The following TCF20 variants were observed in gnomAD, a reference collection of about 807,000 sequenced individuals.
TCF20 encodes the protein transcription factor 20.
In TCF20, 3 loss-of-function variants were observed where a neutral mutation model predicts 148.6. The ratio of observed to expected loss-of-function variants is 0.02; its 90% CI spans 0.01 to 0.05. TCF20 has a LOEUF of 0.05. Among genes scored for constraint, TCF20 ranks in the 10% least tolerant of loss-of-function variants. TCF20 has a pLI of 1.00. For missense variants in TCF20, 2,350 were observed against 2,429.3 expected (o/e 0.97, Z 0.69); for synonymous variants, 1,049 against 909.5 (o/e 1.15, Z -2.76).
rs540017459 is a variant in TCF20, at chr22:42,168,761, G to A, written c.5800-25C>T. The A allele has an allele frequency of 3.7e-4, 596 of 1,597,236 alleles. 6 individuals are homozygous for A. The South Asian group carries it at 6.3e-3, about 17-fold the overall frequency. ...GCTGACACGGGCAAAACCAAGAGGA[G>A]ACAGACAGGTGGGAGAGGACAGTGC... is the stretch of plus-strand genomic sequence containing the variant. On this transcript the variant is annotated intron_variant, in intron 4 of 5. Coordinates refer to ENST00000677622, the MANE Select transcript of TCF20 (RefSeq NM_001378418.1).
chr22:42,275,481 T>C (rs134883), upstream of TCF20, among the ~76,000 whole-genome samples: 101,854 of 152,104 alleles, frequency 0.67, 34,742 homozygotes, highest in Non-Finnish European at 0.75. Flanking sequence ...TGGACTCTCA[T>C]CGGGCCAGTC....
rs112603 is a variant in TCF20 at position 42,292,079 on chromosome 22, A to T, written c.-37+51400T>A. On this transcript the variant is annotated intron_variant, in intron 1 of 1. Transcript: ENST00000515426. The surrounding 1 kb of genome is among the most constrained non-coding windows in gnomAD (Gnocchi z 4.9). ...TCTCACACACCACCCCTCGTATGAGACCCGTGAGCACTAATGGGGCCTCAC... is the reference window on the plus strand; with the variant it reads ...TCTCACACACCACCCCTCGTATGAGTCCCGTGAGCACTAATGGGGCCTCAC... Among the ~76,000 whole-genome samples, 109,903 of 151,860 alleles carry T rather than the reference A, an allele frequency of 0.72. 39,962 individuals are homozygous for T. Among genetic ancestry groups the T allele is most frequent in the Non-Finnish European group, 0.74 (50,299 of 67,934 alleles).
At chr22:42,307,018 G>A (rs2147038538) in intron 1 of TCF20, among the ~76,000 whole-genome samples, 1 of 142,354 alleles carries the variant, frequency 7.0e-6, no homozygotes, top group East Asian at 2.1e-4. Context: ...CACCCTGGGT[G>A]ACAGAGCAAG....
chr22:42,161,456 G>C, intron 5 of TCF20, 98 bp from the exon 6 acceptor site: 1 of 1,528,888 alleles, frequency 6.5e-7, no homozygotes, highest in Non-Finnish European at 9.0e-7. Context: ...TTTCAGCAGG[G>C]AGCCTGCACT....
chr22:42,324,750 C>T (rs573179497), intron 1 of TCF20, among the ~76,000 whole-genome samples: 2 of 152,372 alleles, frequency 1.3e-5, no homozygotes, highest in Non-Finnish European at 2.9e-5. Context: ...AAAATAACCT[C>T]CACCATTTGT....
In TCF20 at chr22:42,209,897, G is replaced by A. The variant is rs1194411963; in HGVS notation, c.5409C>T (p.Ser1803=). 5 of 1,614,188 alleles carry A rather than the reference G, an allele frequency of 3.1e-6. No individual in the cohort carries two copies. The South Asian group carries it at 3.3e-5, about 11-fold the overall frequency. Residue 1803 remains serine (S), a synonymous_variant, in exon 2 of 6, where the codon TCC becomes TCT. Transcript: ENST00000677622. ...EDCGGGPRSL[S]RGLPCKKAAT... is the part of the protein sequence containing the mutation. The stretch of plus-strand genomic sequence containing the variant: ...CTGCTTTTTTACAAGGGAGCCCCCT[G>A]GACAGGGACCGAGGGCCTCCACCAC...
At position 42,211,768 on chromosome 22, in the gene TCF20, C is replaced by T; in HGVS notation, c.3538G>A (p.Gly1180Ser). Residue 1180 changes from glycine (G) to serine (S), a missense_variant, in exon 2 of 6, where the codon GGC (glycine) becomes AGC (serine). Around this residue, in one of 7 missense-constraint regions of TCF20, gnomAD observed 1,641 missense variants for 1,662.6 expected, o/e 0.99. Coordinates refer to ENST00000677622, the MANE Select transcript of TCF20 (RefSeq NM_001378418.1). ...LPNKGMELKH[G>S]SQKLQESCWD... is the part of the protein sequence containing the mutation. ...CAGGATTCTTGTAACTTCTGGGAGC[C>T]ATGCTTTAATTCCATGCCCTTGTTA... The T allele has an allele frequency of 6.2e-7, 1 of 1,614,230 alleles. No individual in the cohort carries two copies. The highest frequency in any genetic ancestry group is 8.5e-7 in the Non-Finnish European group (1 of 1,180,050).
intron 1 of TCF20, among the ~76,000 whole-genome samples, chr22:42,341,498 T>C (rs1369590082): frequency 1.3e-5 from 2 of 152,064 alleles, no homozygotes; most frequent in Non-Finnish European, 2.9e-5. Flanking sequence ...CCTGGGCCCC[T>C]GAACTCAAAG....
At chr22:42,194,479 A>G (rs1033938664) in intron 2 of TCF20, among the ~76,000 whole-genome samples, 3 of 152,148 alleles carry the variant, frequency 2.0e-5, no homozygotes, top group Non-Finnish European at 4.4e-5. Context: ...TCAGGTCTCT[A>G]CCAGGGATGC....
At chr22:42,168,588 A>G in intron 5 of TCF20, 21 bp downstream of exon 5, 1 of 1,546,222 alleles carries the variant, frequency 6.5e-7, no homozygotes, top group Non-Finnish European at 8.7e-7. Flanking sequence ...GGATGCAGGG[A>G]GCCCGGTGGC....
chr22:42,267,002 G>A (rs1016987391), intron 1 of TCF20, among the ~76,000 whole-genome samples: 1 of 152,180 alleles, frequency 6.6e-6, no homozygotes, highest in Admixed American at 6.5e-5. Flanking sequence ...GGGCACGGTG[G>A]CTCATGCCTG....
chr22:42,263,812 C>A (rs929274608), intron 1 of TCF20, among the ~76,000 whole-genome samples: 1 of 152,134 alleles, frequency 6.6e-6, no homozygotes, highest in Non-Finnish European at 1.5e-5. Context: ...CACCCAGGAG[C>A]TTCCTTTTTC....
intron 1 of TCF20, among the ~76,000 whole-genome samples, chr22:42,303,464 C>T (rs542672895): frequency 9.2e-5 from 14 of 152,368 alleles, no homozygotes; most frequent in African/African-American, 2.4e-4. Flanking sequence ...ACTCTGCAGT[C>T]GAGCTCTGTA....
chr22:42,331,539 C>T (rs903331432), intron 1 of TCF20, among the ~76,000 whole-genome samples: 1 of 152,262 alleles, frequency 6.6e-6, no homozygotes, highest in African/African-American at 2.4e-5. Context: ...CAGACCCGGG[C>T]AACCTTGCCT....
chr22:42,177,756 A>T (rs1936534765), intron 3 of TCF20, among the ~76,000 whole-genome samples: 1 of 152,238 alleles, frequency 6.6e-6, no homozygotes, highest in Non-Finnish European at 1.5e-5. Context: ...GATTCCTGGC[A>T]CAGACCTCCT....
At chr22:42,179,539 A>C (rs1197003886) in intron 3 of TCF20, 70 bp downstream of exon 3, 2 of 1,088,796 alleles carry the variant, frequency 1.8e-6, no homozygotes, top group Non-Finnish European at 2.6e-6. Context: ...AACAACGACA[A>C]CAGAGAGAAT....
intron 1 of TCF20, among the ~76,000 whole-genome samples, chr22:42,308,025 A>T (rs1325352675): frequency 6.6e-6 from 1 of 152,216 alleles, no homozygotes; most frequent in Admixed American, 6.5e-5. Context: ...ATCTGCTTAA[A>T]AATATATGCC....
At chr22:42,224,340 T>C (rs1922654566) in intron 1 of TCF20, among the ~76,000 whole-genome samples, 1 of 151,556 alleles carries the variant, frequency 6.6e-6, no homozygotes, top group Non-Finnish European at 1.5e-5. Flanking sequence ...GGCGTGGTGG[T>C]AGGCACCTGT....
intron 1 of TCF20, among the ~76,000 whole-genome samples, chr22:42,304,225 C>T (rs1436363508): frequency 6.6e-6 from 1 of 152,218 alleles, no homozygotes. Context: ...GAAGCACCCC[C>T]GCCCCGCCTT....
Sources: gnomAD v4.1 joint callset for allele counts (sites outside exome capture counted in the v4.1 genomes callset) on GRCh38, gnomAD v4.1.1 for gene constraint, gnomAD v4.1.1 regional missense constraint, Gnocchi (gnomAD v3.1) non-coding constraint, MANE v1.5 for transcripts, NCBI Gene and HGNC (gene_info 2026-07-23, HGNC 2026-07-21) for gene names.